GRM7: variants seen among roughly 807,000 people sequenced by gnomAD.
GRM7 encodes glutamate metabotropic receptor 7.
GRM7 carries 35 observed loss-of-function variants against 84.5 expected under a neutral mutation model. The ratio of observed to expected loss-of-function variants is 0.41; its 90% CI spans 0.32 to 0.55. The LOEUF is 0.55. GRM7 is among the 20% of genes least tolerant of loss of function. The pLI is 0.19. For synonymous variants in GRM7, 487 were observed against 455.1 expected (o/e 1.07, Z -0.89); for missense variants, 1,003 against 1,194.6 (o/e 0.84, Z 2.36).
chr3:7,025,878 T>G (rs1311968434), intron 1 of GRM7, among the ~76,000 whole-genome samples: 1 of 152,176 alleles, frequency 6.6e-6, no homozygotes, highest in Non-Finnish European at 1.5e-5. Flanking sequence ...TAGTTACAAG[T>G]AGCAGGAGTG....
chr3:7,327,931 GA>G (rs1355530546), intron 4 of GRM7, among the ~76,000 whole-genome samples: 1 of 152,138 alleles, frequency 6.6e-6, no homozygotes, highest in Admixed American at 6.6e-5. Flanking sequence ...GAAAACTTAT[GA>G]AAATATAAGT....
intron 8 of GRM7, among the ~76,000 whole-genome samples, chr3:7,584,985 C>A (rs935160745): frequency 2.6e-5 from 4 of 152,154 alleles, no homozygotes; most frequent in Non-Finnish European, 4.4e-5. Context: ...AACTTCCAGC[C>A]ATATAAACAT....
intron 4 of GRM7, among the ~76,000 whole-genome samples, chr3:7,377,477 C>T (rs532369949): frequency 4.6e-5 from 7 of 152,118 alleles, no homozygotes; most frequent in South Asian, 2.1e-4. Flanking sequence ...TGGGTGCTTA[C>T]GGGATATCAG....
chr3:6,977,951 T>A (rs1005309149), intron 1 of GRM7, among the ~76,000 whole-genome samples: 1 of 152,212 alleles, frequency 6.6e-6, no homozygotes, highest in Non-Finnish European at 1.5e-5. Flanking sequence ...TACATTTTAC[T>A]TTAAAGACCT....
At chr3:6,980,372 A>G (rs891710962) in intron 1 of GRM7, among the ~76,000 whole-genome samples, 2 of 152,108 alleles carry the variant, frequency 1.3e-5, no homozygotes, top group Non-Finnish European at 2.9e-5. Flanking sequence ...AATTTTTGGG[A>G]GAAGGTGGTA....
chr3:7,157,327 A>G (rs936419732), intron 2 of GRM7, among the ~76,000 whole-genome samples: 4 of 152,208 alleles, frequency 2.6e-5, no homozygotes, highest in Non-Finnish European at 5.9e-5. Context: ...AGTAAATAGC[A>G]AGGGAGAAAT....
At chr3:7,306,475 A>T in intron 3 of GRM7, 23 bp from the exon 4 acceptor site, 3 of 1,607,662 alleles carry the variant, frequency 1.9e-6, no homozygotes, top group South Asian at 1.1e-5. Context: ...CATTAATATA[A>T]CTTTCCATAT....
chr3:7,204,573 T>C (rs1262241373), intron 2 of GRM7, among the ~76,000 whole-genome samples: 2 of 152,194 alleles, frequency 1.3e-5, no homozygotes, highest in Non-Finnish European at 2.9e-5. Context: ...ACAGCTACCT[T>C]GTGGGGAAGG....
rs375838151 is a variant in GRM7 at position 7,462,577 on chromosome 3, CT to C, written c.1515+859del. Among the ~76,000 whole-genome samples the C allele has an allele frequency of 1.6e-4, 25 of 152,296 alleles. No homozygotes were observed. The East Asian group carries it at 2.1e-3, about 13-fold the overall frequency. Reference sequence around the variant, plus strand: ...TTATTAATCTATACCTTAGGAGGCACTTTTGGAATTATTGAGAACAAGGCTT... The same window carrying C: ...TTATTAATCTATACCTTAGGAGGCACTTTGGAATTATTGAGAACAAGGCTT... On this transcript the variant is annotated intron_variant, in intron 7 of 9. Transcript: ENST00000357716.
At chr3:7,072,110 C>T (rs1286054694) in intron 1 of GRM7, among the ~76,000 whole-genome samples, 1 of 152,024 alleles carries the variant, frequency 6.6e-6, no homozygotes, top group Non-Finnish European at 1.5e-5. Context: ...TCCAGGTGAC[C>T]GTAATATGCC....
At chr3:6,881,291 C>G (rs1338871382) in intron 1 of GRM7, among the ~76,000 whole-genome samples, 1 of 152,054 alleles carries the variant, frequency 6.6e-6, no homozygotes, top group Non-Finnish European at 1.5e-5. Context: ...TCTCCCTTCC[C>G]TCACTCCACC....
At chr3:7,176,077 G>A (rs976469742) in intron 2 of GRM7, among the ~76,000 whole-genome samples, 4 of 151,886 alleles carry the variant, frequency 2.6e-5, no homozygotes, top group East Asian at 1.9e-4. Context: ...AATACTGTGT[G>A]ATATAGAACC....
intron 9 of GRM7, among the ~76,000 whole-genome samples, chr3:7,716,239 G>C (rs1378000629): frequency 6.6e-6 from 1 of 152,104 alleles, no homozygotes; most frequent in Admixed American, 6.5e-5. Flanking sequence ...CACACAAGCT[G>C]TCTCCTTCTT....
chr3:6,902,177 C>T (rs1414858755), intron 1 of GRM7, among the ~76,000 whole-genome samples: 6 of 152,226 alleles, frequency 3.9e-5, no homozygotes, highest in South Asian at 4.2e-4. Flanking sequence ...TAATGTCTAC[C>T]GTGAAGCACA....
chr3:6,982,914 A>G (rs900099481), intron 1 of GRM7, among the ~76,000 whole-genome samples: 1 of 152,222 alleles, frequency 6.6e-6, no homozygotes, highest in African/African-American at 2.4e-5. Context: ...CAGTTTTTGG[A>G]TATCACAAAT....
intron 7 of GRM7, among the ~76,000 whole-genome samples, chr3:7,485,126 A>C (rs1699272191): frequency 6.6e-6 from 1 of 152,164 alleles, no homozygotes; most frequent in Non-Finnish European, 1.5e-5. Flanking sequence ...CCTCACTGAC[A>C]CCTTGACTAT....
chr3:7,598,830 G>C (rs1012422592), intron 8 of GRM7, among the ~76,000 whole-genome samples: 4 of 152,074 alleles, frequency 2.6e-5, no homozygotes, highest in African/African-American at 7.2e-5. Flanking sequence ...AATTGACTTT[G>C]GTGGATTAAA....
chr3:7,454,765 A>G (rs1697932373), intron 6 of GRM7, among the ~76,000 whole-genome samples: 1 of 152,130 alleles, frequency 6.6e-6, no homozygotes, highest in African/African-American at 2.4e-5. Flanking sequence ...TTGGATTACA[A>G]TATGTATGGT....
intron 1 of GRM7, among the ~76,000 whole-genome samples, chr3:7,069,751 T>C (rs898568356): frequency 5.9e-5 from 9 of 152,072 alleles, no homozygotes; most frequent in Admixed American, 3.9e-4. Flanking sequence ...CAGCAACACA[T>C]GGGTTGGGGA....
Sources: gnomAD v4.1 joint callset for allele counts (sites outside exome capture counted in the v4.1 genomes callset) on GRCh38, gnomAD v4.1.1 for gene constraint, MANE v1.5 for transcripts, NCBI Gene and HGNC (gene_info 2026-07-23, HGNC 2026-07-21) for gene names.